Variants in C1orf21 observed in about 807,000 individuals in gnomAD.
C1orf21 encodes uncharacterized protein C1orf21.
In C1orf21, 3 loss-of-function variants were observed where a neutral mutation model predicts 18.7. The observed-to-expected ratio is 0.16, with a 90% CI of 0.07 to 0.42. C1orf21 has a LOEUF of 0.42. Ranked by LOEUF, C1orf21 falls within the 10% of genes least tolerant of loss-of-function variation. C1orf21 has a pLI of 0.99. For synonymous variants in C1orf21, 41 were observed against 46.4 expected (o/e 0.88, Z 0.47); for missense variants, 104 against 143.6 (o/e 0.72, Z 1.41).
chr1:184,603,885 G>T (rs963142624), intron 5 of C1orf21, among the ~76,000 whole-genome samples: 1 of 152,232 alleles, frequency 6.6e-6, no homozygotes, highest in Non-Finnish European at 1.5e-5. Flanking sequence ...CAAAATGTTG[G>T]AGTTCTTGAA....
intron 5 of C1orf21, among the ~76,000 whole-genome samples, chr1:184,607,992 AT>A (rs1427839202): frequency 8.5e-5 from 13 of 152,172 alleles, no homozygotes; most frequent in Non-Finnish European, 1.9e-4. Flanking sequence ...TCATATACAC[AT>A]AAAAGTGTAG....
chr1:184,455,880 CTA>C (rs1016797488), intron 1 of C1orf21, among the ~76,000 whole-genome samples: 77 of 152,112 alleles, frequency 5.1e-4, no homozygotes, highest in African/African-American at 1.8e-3. Flanking sequence ...GTATAATTCT[CTA>C]TGTATAGGTG....
At chr1:184,472,974 A>C (rs922692650) in intron 1 of C1orf21, among the ~76,000 whole-genome samples, 3 of 152,254 alleles carry the variant, frequency 2.0e-5, no homozygotes, top group Non-Finnish European at 4.4e-5. Context: ...TATTTTATCA[A>C]AAGTGGGAAA....
At chr1:184,411,934 G>A (rs549935839) in intron 1 of C1orf21, 58 of 152,290 alleles carry the variant, frequency 3.8e-4, no homozygotes, top group African/African-American at 1.4e-3. Context: ...ATTTGATATG[G>A]CTGTTTATTG....
chr1:184,511,758 C>T (rs1036604320), intron 3 of C1orf21, among the ~76,000 whole-genome samples: 1 of 152,056 alleles, frequency 6.6e-6, no homozygotes, highest in African/African-American at 2.4e-5. Flanking sequence ...AGGAAACTTA[C>T]AATCATGGTA....
At chr1:184,397,065 AC>A (rs1421654507) in intron 1 of C1orf21, among the ~76,000 whole-genome samples, 1 of 152,044 alleles carries the variant, frequency 6.6e-6, no homozygotes, top group African/African-American at 2.4e-5. Flanking sequence ...GTTCTAGGGA[AC>A]CCCCGTGTTT....
intron 1 of C1orf21, among the ~76,000 whole-genome samples, chr1:184,419,467 C>G (rs1656511123): frequency 6.6e-6 from 1 of 152,132 alleles, no homozygotes; most frequent in Non-Finnish European, 1.5e-5. Context: ...TTCATTCACT[C>G]TACAAATATT....
At position 184,408,009 on chromosome 1, in the gene C1orf21, G is replaced by C. The variant is rs186548411; in HGVS notation, c.-125+20641G>C. ...AGGAAGCCCTAACCTTCCACATCAG[G>C]GTTTTAGAAACCATCAGGTGGGCCA... On this transcript the variant is annotated intron_variant, in intron 1 of 5. Coordinates refer to ENST00000235307, the MANE Select transcript of C1orf21 (RefSeq NM_030806.4). Among the ~76,000 whole-genome samples the C allele has an allele frequency of 1.2e-4, 19 of 152,178 alleles. No homozygotes were observed. The East Asian group carries it at 3.5e-3, about 28-fold the overall frequency.
intron 3 of C1orf21, among the ~76,000 whole-genome samples, chr1:184,562,125 C>G (rs1374731167): frequency 6.6e-6 from 1 of 152,026 alleles, no homozygotes; most frequent in Non-Finnish European, 1.5e-5. Flanking sequence ...CTAAATGGTT[C>G]TAGAAAACTA....
chr1:184,586,437 C>T (rs953488973), intron 3 of C1orf21, among the ~76,000 whole-genome samples: 2 of 151,964 alleles, frequency 1.3e-5, no homozygotes, highest in Non-Finnish European at 2.9e-5. Flanking sequence ...GCGCCCGCCA[C>T]CTCGCCCGGC....
chr1:184,393,386 T>A (rs983948933), intron 1 of C1orf21, among the ~76,000 whole-genome samples: 2 of 152,134 alleles, frequency 1.3e-5, no homozygotes, highest in Non-Finnish European at 2.9e-5. Context: ...AGCTTTTAGA[T>A]CTTCCAGCAC....
chr1:184,554,909 G>A (rs1658857743), intron 3 of C1orf21, among the ~76,000 whole-genome samples: 1 of 152,204 alleles, frequency 6.6e-6, no homozygotes. Flanking sequence ...GCACATGTGT[G>A]TAACAAGAAT....
At chr1:184,520,048 T>G (rs545706528) in intron 3 of C1orf21, among the ~76,000 whole-genome samples, 50 of 152,322 alleles carry the variant, frequency 3.3e-4, no homozygotes, top group African/African-American at 1.2e-3. Flanking sequence ...ATAATAAGTA[T>G]ATGAAGGTAC....
At chr1:184,558,312 A>G (rs1658907712) in intron 3 of C1orf21, among the ~76,000 whole-genome samples, 2 of 152,218 alleles carry the variant, frequency 1.3e-5, no homozygotes, top group Admixed American at 1.3e-4. Flanking sequence ...TAAATTATTC[A>G]TGATTTCTAT....
chr1:184,497,067 T>A (rs891590695), intron 2 of C1orf21, among the ~76,000 whole-genome samples: 1 of 152,194 alleles, frequency 6.6e-6, no homozygotes, highest in African/African-American at 2.4e-5. Context: ...TTTAATTTAA[T>A]CGAACCGCTC....
chr1:184,411,542 C>G (rs1202592292), intron 1 of C1orf21, among the ~76,000 whole-genome samples: 1 of 151,526 alleles, frequency 6.6e-6, no homozygotes, highest in Non-Finnish European at 1.5e-5. Flanking sequence ...CTGCCTCAGC[C>G]TCCCGAGTAG....
Position 184,421,413 on chromosome 1 carries a change from T to C in C1orf21, c.-125+34045T>C, listed in dbSNP as rs571107358. Among the ~76,000 whole-genome samples the C allele has an allele frequency of 1.3e-3, 192 of 152,366 alleles. 1 individual carries two copies. The highest frequency in any genetic ancestry group is 4.5e-3 in the African/African-American group (188 of 41,590). On this transcript the variant is annotated intron_variant, in intron 1 of 5. Transcript: ENST00000235307. ...ATTCTCAGCTTTGAATGTGTATTCT[T>C]GAGGTGTTTCATCAAACCAAAAGTT...
At chr1:184,546,196 A>G (rs1374055171) in intron 3 of C1orf21, among the ~76,000 whole-genome samples, 1 of 152,204 alleles carries the variant, frequency 6.6e-6, no homozygotes, top group African/African-American at 2.4e-5. Context: ...GCACTTTGAG[A>G]GGCCAAGGTG....
intron 2 of C1orf21, among the ~76,000 whole-genome samples, chr1:184,478,619 C>T (rs944306336): frequency 1.6e-4 from 25 of 152,164 alleles, no homozygotes; most frequent in African/African-American, 4.8e-4. Flanking sequence ...GCATGCACAC[C>T]GAGTTCAGTT....
Sources: allele counts gnomAD v4.1 joint callset (sites outside exome capture counted in the v4.1 genomes callset), GRCh38; gene constraint gnomAD v4.1.1; transcripts MANE v1.5; gene names NCBI Gene and HGNC (gene_info 2026-07-23, HGNC 2026-07-21).